The following KCNMB2 variants were observed in gnomAD, a reference collection of about 807,000 sequenced individuals.
KCNMB2 encodes potassium calcium-activated channel subfamily M regulatory beta subunit 2, also known as calcium-activated potassium channel subunit beta-2.
In KCNMB2, 9 loss-of-function variants were observed where a neutral mutation model predicts 24.5. That is an observed-to-expected ratio of 0.37 (90% CI 0.22 to 0.64). The LOEUF is 0.64. Among genes scored for constraint, KCNMB2 ranks in the 30% least tolerant of loss-of-function variants. KCNMB2 has a pLI of 0.63. For synonymous variants in KCNMB2, 109 were observed against 104.4 expected (o/e 1.04, Z -0.27); for missense variants, 226 against 284.3 (o/e 0.79, Z 1.47).
intron 1 of KCNMB2, among the ~76,000 whole-genome samples, chr3:178,570,756 T>C (rs531507374): frequency 2.0e-5 from 3 of 152,176 alleles, no homozygotes; most frequent in African/African-American, 7.2e-5. Flanking sequence ...AAATATGATA[T>C]GCAGCAATTT....
chr3:178,698,084 T>A (rs1431544736), intron 1 of KCNMB2, among the ~76,000 whole-genome samples: 3 of 152,180 alleles, frequency 2.0e-5, no homozygotes, highest in Non-Finnish European at 2.9e-5. Context: ...GTGTTGGGGA[T>A]GATCTTGTGA....
Position 178,675,265 on chromosome 3 carries a change from T to C in KCNMB2, c.-67-132078T>C, listed in dbSNP as rs76344323. ...ATAAGCATTTGTGAAAAGCCTGGTG[T>C]ATTTAAATTACTGAATAGTAAACAT... On this transcript the variant is annotated intron_variant, in intron 1 of 4. Transcript: ENST00000452583. Among the ~76,000 whole-genome samples the C allele has an allele frequency of 9.3e-3, 1,419 of 152,356 alleles. 88 individuals are homozygous for C. In the East Asian group the frequency reaches 0.18, roughly 19 times the overall value.
At chr3:178,604,920 A>G (rs996994298) in intron 1 of KCNMB2, among the ~76,000 whole-genome samples, 3 of 152,178 alleles carry the variant, frequency 2.0e-5, no homozygotes, top group Non-Finnish European at 2.9e-5. Flanking sequence ...GACACATTAT[A>G]CTCATAACTG....
At chr3:178,664,136 C>T (rs1198870303) in intron 1 of KCNMB2, among the ~76,000 whole-genome samples, 1 of 152,128 alleles carries the variant, frequency 6.6e-6, no homozygotes, top group Non-Finnish European at 1.5e-5. Flanking sequence ...TGCTCATCCT[C>T]ATTCAGAGAA....
intron 1 of KCNMB2, among the ~76,000 whole-genome samples, chr3:178,767,652 A>G (rs1483499769): frequency 6.6e-6 from 1 of 152,252 alleles, no homozygotes; most frequent in Admixed American, 6.5e-5. Context: ...AACTCATTTT[A>G]TAAGGAGATG....
At chr3:178,701,552 A>T (rs923854901) in intron 1 of KCNMB2, among the ~76,000 whole-genome samples, 4 of 152,152 alleles carry the variant, frequency 2.6e-5, no homozygotes, top group Non-Finnish European at 5.9e-5. Context: ...ATCTACAAAG[A>T]ACTCAAACAA....
intron 1 of KCNMB2, among the ~76,000 whole-genome samples, chr3:178,545,428 A>C (rs115419750): frequency 0.012 from 1,840 of 152,316 alleles, 31 homozygotes; most frequent in African/African-American, 0.042. Flanking sequence ...CTGACTCCAT[A>C]ACTCATCCAC....
intron 1 of KCNMB2, among the ~76,000 whole-genome samples, chr3:178,730,999 T>C (rs981898081): frequency 6.6e-6 from 1 of 151,960 alleles, no homozygotes; most frequent in African/African-American, 2.4e-5. Context: ...AGTATCTTCA[T>C]AAACAAAACA....
intron 1 of KCNMB2, among the ~76,000 whole-genome samples, chr3:178,686,946 T>C (rs891150377): frequency 6.6e-6 from 1 of 151,396 alleles, no homozygotes; most frequent in African/African-American, 2.4e-5. Context: ...CTTTTATTTA[T>C]CTTTTTAACC....
chr3:178,700,020 T>C (rs1394316942), intron 1 of KCNMB2, among the ~76,000 whole-genome samples: 1 of 152,200 alleles, frequency 6.6e-6, no homozygotes, highest in African/African-American at 2.4e-5. Context: ...GGTCGGTGCC[T>C]TTCCTCTGAA....
rs192805615 is a variant in KCNMB2 at position 178,755,405 on chromosome 3, G to T, written c.-67-51938G>T. ...TTTGACCCTTTAACAGTTGTGATCT[G>T]TTTCAATTTTTGTTTAAAGCTTAAT... is the stretch of plus-strand genomic sequence containing the variant. On this transcript the variant is annotated intron_variant, in intron 1 of 4. Coordinates refer to ENST00000452583, the MANE Select transcript of KCNMB2 (RefSeq NM_181361.3). Among the ~76,000 whole-genome samples the T allele has an allele frequency of 3.9e-4, 60 of 152,284 alleles. 1 individual carries two copies. The highest frequency in any genetic ancestry group is 1.0e-4 in the Non-Finnish European group (7 of 68,006).
intron 2 of KCNMB2, among the ~76,000 whole-genome samples, chr3:178,815,463 T>C (rs1714367872): frequency 6.6e-6 from 1 of 152,202 alleles, no homozygotes; most frequent in Non-Finnish European, 1.5e-5. Context: ...GATTCTTTTG[T>C]ATTTTCTTCA....
At chr3:178,761,106 G>A (rs1711855341) in intron 1 of KCNMB2, among the ~76,000 whole-genome samples, 1 of 152,126 alleles carries the variant, frequency 6.6e-6, no homozygotes, top group South Asian at 2.1e-4. Context: ...TGAGGTGTGG[G>A]CAGTTTCTCC....
chr3:178,721,325 T>C (rs1722798783), intron 1 of KCNMB2, among the ~76,000 whole-genome samples: 1 of 152,204 alleles, frequency 6.6e-6, no homozygotes, highest in African/African-American at 2.4e-5. Context: ...TTCTGTTCCA[T>C]TGATCTGTAT....
chr3:178,783,468 T>C (rs1302942117), intron 1 of KCNMB2, among the ~76,000 whole-genome samples: 6 of 151,298 alleles, frequency 4.0e-5, no homozygotes, highest in Admixed American at 6.6e-5. Context: ...TTTATTTCCT[T>C]GAGCAGTGGT....
intron 1 of KCNMB2, among the ~76,000 whole-genome samples, chr3:178,781,035 C>T (rs1410862095): frequency 6.6e-6 from 1 of 151,988 alleles, no homozygotes; most frequent in East Asian, 1.9e-4. Flanking sequence ...AATTTCAAAG[C>T]CTTTGTGAAA....
intron 1 of KCNMB2, among the ~76,000 whole-genome samples, chr3:178,711,530 G>A (rs1408167883): frequency 6.6e-6 from 1 of 151,942 alleles, no homozygotes; most frequent in Non-Finnish European, 1.5e-5. Flanking sequence ...TTGGTCATAA[G>A]ACACTAAGAA....
chr3:178,667,772 C>T (rs752862815), intron 1 of KCNMB2, among the ~76,000 whole-genome samples: 5 of 152,118 alleles, frequency 3.3e-5, no homozygotes, highest in African/African-American at 4.8e-5. Flanking sequence ...CCACCTCTCC[C>T]ATCAAACCTC....
At chr3:178,570,123 T>A (rs1211837873) in intron 1 of KCNMB2, among the ~76,000 whole-genome samples, 1 of 152,200 alleles carries the variant, frequency 6.6e-6, no homozygotes, top group Non-Finnish European at 1.5e-5. Flanking sequence ...TCTTTTAATC[T>A]TCAGAATGAA....
Sources: gnomAD v4.1 joint callset for allele counts (sites outside exome capture counted in the v4.1 genomes callset) on GRCh38, gnomAD v4.1.1 for gene constraint, MANE v1.5 for transcripts, NCBI Gene and HGNC (gene_info 2026-07-23, HGNC 2026-07-21) for gene names.